SLC9A7: variants seen among roughly 807,000 people sequenced by gnomAD.
SLC9A7 encodes the protein sodium/hydrogen exchanger 7.
In SLC9A7, 19 loss-of-function variants were observed where a neutral mutation model predicts 52.6. The ratio of observed to expected loss-of-function variants is 0.36; its 90% CI spans 0.25 to 0.53. SLC9A7 has a LOEUF of 0.53. Among genes scored for constraint, SLC9A7 ranks in the 20% least tolerant of loss-of-function variants. The pLI, the probability that SLC9A7 is intolerant of heterozygous loss-of-function variation, is 0.91. For synonymous variants in SLC9A7, 226 were observed against 252.1 expected (o/e 0.90, Z 0.98); for missense variants, 455 against 597.9 (o/e 0.76, Z 2.49).
At chrX:46,656,751 G>T (rs1236320083) in intron 7 of SLC9A7, among the ~76,000 whole-genome samples, 89 of 111,560 alleles carry the variant, frequency 8.0e-4, no homozygotes, top group African/African-American at 2.7e-3. Flanking sequence ...TCTGATTGGT[G>T]TACCTGAAAG....
chrX:46,654,948 C>T (rs1451123055), intron 7 of SLC9A7, among the ~76,000 whole-genome samples: 6 of 106,791 alleles, frequency 5.6e-5, no homozygotes, highest in Non-Finnish European at 1.2e-4. Flanking sequence ...GCAACACACA[C>T]ACTGTATTTC....
At chrX:46,758,220 A>T (rs908779543) in intron 1 of SLC9A7, among the ~76,000 whole-genome samples, 3 of 111,245 alleles carry the variant, frequency 2.7e-5, no homozygotes, top group African/African-American at 9.8e-5. Context: ...GTACCCACCC[A>T]GGCTGACCAT....
intron 15 of SLC9A7, among the ~76,000 whole-genome samples, chrX:46,619,970 A>T (rs950282097): frequency 8.9e-6 from 1 of 111,764 alleles, no homozygotes; most frequent in Non-Finnish European, 1.9e-5. Context: ...TTTGGTGTTA[A>T]ATGAGTGTGT....
At chrX:46,638,485 A>G (rs1943355654) in intron 12 of SLC9A7, among the ~76,000 whole-genome samples, 1 of 112,410 alleles carries the variant, frequency 8.9e-6, no homozygotes, top group African/African-American at 3.2e-5. Context: ...GAAAAGATCA[A>G]TAAAATTGGC....
At chrX:46,687,737 C>A (rs768528878) in intron 1 of SLC9A7, among the ~76,000 whole-genome samples, 20 of 112,183 alleles carry the variant, frequency 1.8e-4, no homozygotes, top group South Asian at 3.7e-4. Flanking sequence ...ATAAGATTCA[C>A]CCATTTTAGA....
intron 1 of SLC9A7, 58 bp from the exon 2 acceptor site, chrX:46,682,593 T>A: frequency 9.7e-7 from 1 of 1,032,468 alleles, no homozygotes; most frequent in Non-Finnish European, 1.3e-6. Context: ...AGTGTGGAAA[T>A]AATGGCATAG....
At chrX:46,706,435 T>C (rs781045293) in intron 1 of SLC9A7, among the ~76,000 whole-genome samples, 2 of 109,210 alleles carry the variant, frequency 1.8e-5, no homozygotes, top group South Asian at 8.2e-4. Flanking sequence ...CTATTGTCTC[T>C]ACTGTGTTTG....
chrX:46,601,823 TTCTC>T lies in SLC9A7; in HGVS notation c.*5125_*5128del, dbSNP rs1468605912. On this transcript the variant is annotated 3_prime_UTR_variant, in exon 17 of 17. Transcript: ENST00000616978. ...ACTAAAAGGAATAGCAGCTTTCATC[TTCTC>T]TCTGTCAGGGCTATACAAAAGTGTG... 1 of 112,263 alleles carries T rather than the reference TTCTC, an allele frequency of 8.9e-6. No individual in the cohort carries two copies. The highest frequency in any genetic ancestry group is 3.2e-5 in the African/African-American group (1 of 30,925). 9.3% of individuals were successfully genotyped at this position (112,263 alleles called of 1,213,427 possible). A position where few individuals can be genotyped will look rare whatever the true frequency, so the allele number is the denominator to read the frequency against.
chrX:46,670,806 C>T (rs952501359), intron 4 of SLC9A7, among the ~76,000 whole-genome samples: 3 of 112,116 alleles, frequency 2.7e-5, no homozygotes, highest in Non-Finnish European at 3.8e-5. Flanking sequence ...TTTCTTTTCA[C>T]AGGAATTGTA....
chrX:46,634,761 C>T (rs948423303), intron 13 of SLC9A7, among the ~76,000 whole-genome samples: 1 of 111,570 alleles, frequency 9.0e-6, no homozygotes, highest in African/African-American at 3.3e-5. Flanking sequence ...AGTACACATA[C>T]GGGGCCTAGT....
intron 4 of SLC9A7, among the ~76,000 whole-genome samples, chrX:46,670,501 G>T (rs1046616796): frequency 9.0e-6 from 1 of 111,466 alleles, no homozygotes; most frequent in Non-Finnish European, 1.9e-5. Context: ...ATGTGTGTGT[G>T]TGTGTCTGTG....
At chrX:46,619,617 T>C (rs1334203675) in intron 15 of SLC9A7, among the ~76,000 whole-genome samples, 1 of 111,575 alleles carries the variant, frequency 9.0e-6, no homozygotes, top group Non-Finnish European at 1.9e-5. Flanking sequence ...TTACAGAAAG[T>C]TGAAAAACAG....
intron 1 of SLC9A7, among the ~76,000 whole-genome samples, chrX:46,740,773 A>G (rs1272016307): frequency 1.8e-5 from 2 of 110,767 alleles, no homozygotes; most frequent in African/African-American, 6.5e-5. Flanking sequence ...CTTCTAATTC[A>G]ACACTGTACT....
intron 3 of SLC9A7, among the ~76,000 whole-genome samples, chrX:46,677,443 T>G (rs1257034049): frequency 8.9e-6 from 1 of 112,244 alleles, no homozygotes; most frequent in Non-Finnish European, 1.9e-5. Flanking sequence ...GGATCATAAA[T>G]CAATCATTTA....
At chrX:46,623,375 C>T (rs990828596) in intron 14 of SLC9A7, among the ~76,000 whole-genome samples, 4 of 111,762 alleles carry the variant, frequency 3.6e-5, no homozygotes, top group Admixed American at 9.4e-5. Context: ...AACCTGGGTT[C>T]GCACCTCATG....
Position 46,607,122 on chromosome X carries a change from C to T in SLC9A7, c.2011G>A (p.Val671Met), listed in dbSNP as rs769301014. 1 of 1,211,590 alleles carries T rather than the reference C, an allele frequency of 8.3e-7. No individual in the cohort carries two copies. Among genetic ancestry groups the T allele is most frequent in the South Asian group, 1.8e-5 (1 of 56,878 alleles). The stretch of plus-strand genomic sequence containing the variant: ...GAACTTGAGGAGCCATTTGCAGTCA[C>T]TGTGCTGTCCCCGTAGGTCAATGTC... Reference protein sequence around the residue: ...DLTLTYGDSTVTANGSSSSHT... With the variant: ...DLTLTYGDSTMTANGSSSSHT... Residue 671 changes from valine to methionine, a missense_variant, in exon 17 of 17, where the codon GTG becomes ATG. Physicochemically the swap from Val to Met is conservative, Grantham distance 21. This residue lies in a region of SLC9A7 where 146 missense variants were observed against 160.5 expected (regional missense o/e 0.91). Transcript: ENST00000616978.
In SLC9A7 at chrX:46,737,635, C is replaced by T. The variant is rs144941018; in HGVS notation, c.325+21070G>A. On this transcript the variant is annotated intron_variant, in intron 1 of 16. Coordinates refer to ENST00000616978, the MANE Select transcript of SLC9A7 (RefSeq NM_001257291.2). ...ATTTCCAGTTTTATCAGCCTTTTCC[C>T]ACAAGGACTGGATATTTGAAATACT... Among the ~76,000 whole-genome samples the T allele has an allele frequency of 4.2e-3, 471 of 111,893 alleles. 3 individuals carry two copies. Among genetic ancestry groups the T allele is most frequent in the African/African-American group, 0.015 (453 of 30,811 alleles).
At chrX:46,620,263 A>G (rs764474516) in intron 15 of SLC9A7, among the ~76,000 whole-genome samples, 1 of 110,193 alleles carries the variant, frequency 9.1e-6, no homozygotes, top group Non-Finnish European at 1.9e-5. Context: ...TCTACCAAAA[A>G]TACAAAAAAT....
chrX:46,644,136 A>C (rs1371896801), intron 11 of SLC9A7, among the ~76,000 whole-genome samples: 1 of 112,346 alleles, frequency 8.9e-6, no homozygotes, highest in Non-Finnish European at 1.9e-5. Flanking sequence ...ATAGAGTACA[A>C]ATATTCATCT....
Sources: allele counts gnomAD v4.1 joint callset (sites outside exome capture counted in the v4.1 genomes callset), GRCh38; gene constraint gnomAD v4.1.1; regional missense constraint gnomAD v4.1.1; transcripts MANE v1.5; gene names NCBI Gene and HGNC (gene_info 2026-07-23, HGNC 2026-07-21).